Variants in GPC6 observed in about 807,000 individuals in gnomAD.
GPC6 encodes the protein glypican 6, also known as glypican-6.
GPC6 carries 14 observed loss-of-function variants against 55.2 expected under a neutral mutation model. The observed-to-expected ratio is 0.25, with a 90% CI of 0.17 to 0.40. The LOEUF (loss-of-function observed/expected upper bound fraction) is 0.40. GPC6 is among the 10% of genes least tolerant of loss of function. GPC6 has a pLI of 1.00. For synonymous variants in GPC6, 278 were observed against 259.6 expected (o/e 1.07, Z -0.68); for missense variants, 641 against 708.5 (o/e 0.90, Z 1.08).
intron 1 of GPC6, among the ~76,000 whole-genome samples, chr13:93,358,480 A>G (rs765148676): frequency 4.6e-5 from 7 of 152,174 alleles, no homozygotes; most frequent in Non-Finnish European, 1.0e-4. Context: ...GAGGACAATG[A>G]GACACAATGA....
chr13:93,904,016 T>C (rs547796044), intron 3 of GPC6, among the ~76,000 whole-genome samples: 1 of 152,192 alleles, frequency 6.6e-6, no homozygotes, highest in East Asian at 1.9e-4. Context: ...GTGATACCTG[T>C]CATAACAGTT....
chr13:93,867,193 A>G (rs945594915), intron 3 of GPC6, among the ~76,000 whole-genome samples: 4 of 151,722 alleles, frequency 2.6e-5, no homozygotes, highest in Admixed American at 1.3e-4. Flanking sequence ...TTATGGTGAA[A>G]TGTCTTTGGA....
At chr13:93,525,822 TA>T (rs1490214745) in intron 1 of GPC6, among the ~76,000 whole-genome samples, 6 of 151,928 alleles carry the variant, frequency 3.9e-5, no homozygotes, top group Admixed American at 3.3e-4. Context: ...AAAGAATGAG[TA>T]GAGAAATGTA....
Position 94,272,508 on chromosome 13 carries a change from G to A in GPC6, c.878-13841G>A, listed in dbSNP as rs566361774. On this transcript the variant is annotated intron_variant, in intron 4 of 8. Coordinates refer to ENST00000377047, the MANE Select transcript of GPC6 (RefSeq NM_005708.5). ...TTTTGAAACAGAGTCTCACTCTGTT[G>A]CCCAGGCTGGAGTGCAGTGGTGCCA... is the stretch of plus-strand genomic sequence containing the variant. Among the ~76,000 whole-genome samples the A allele has an allele frequency of 3.8e-3, 409 of 108,896 alleles. 6 individuals carry two copies. Among genetic ancestry groups the A allele is most frequent in the African/African-American group, 0.014 (387 of 27,672 alleles). 71.4% of individuals were successfully genotyped at this position (108,896 alleles called of 152,430 possible).
At chr13:93,218,934 G>T in the GPC6 span, among the ~76,000 whole-genome samples, 1 of 152,074 alleles carries the variant, frequency 6.6e-6, no homozygotes, top group Admixed American at 6.5e-5. Context: ...CATTATAAAA[G>T]AATCAGACAT....
intron 3 of GPC6, among the ~76,000 whole-genome samples, chr13:93,968,799 A>G (rs945707062): frequency 1.3e-5 from 2 of 152,202 alleles, no homozygotes; most frequent in Non-Finnish European, 2.9e-5. Flanking sequence ...TAGGAAATAT[A>G]TATTACATAC....
chr13:94,233,933 C>T (rs1251223453), intron 4 of GPC6, among the ~76,000 whole-genome samples: 7 of 152,054 alleles, frequency 4.6e-5, no homozygotes, highest in Non-Finnish European at 1.0e-4. Flanking sequence ...GAACATACCC[C>T]CCAGGGCTAA....
chr13:93,375,741 C>A (rs1156611521), intron 1 of GPC6, among the ~76,000 whole-genome samples: 1 of 152,148 alleles, frequency 6.6e-6, no homozygotes, highest in Non-Finnish European at 1.5e-5. Context: ...TCCCTTGGCC[C>A]TGATTTCATG....
intron 2 of GPC6, among the ~76,000 whole-genome samples, chr13:93,825,860 C>CTTTTTTTTTTTTTTTTTTTTTTTTTTTTT (rs1029574657): frequency 4.0e-5 from 5 of 124,184 alleles, no homozygotes; most frequent in East Asian, 2.4e-4. Flanking sequence ...TTATTATTTT[C>CTTTTTTTTTTTTTTTTTTTTTTTTTTTTT]TTTTTTTTTT....
At position 94,183,977 on chromosome 13, in the gene GPC6, G is replaced by A. The variant is rs188197274; in HGVS notation, c.878-102372G>A. On this transcript the variant is annotated intron_variant, in intron 4 of 8. Transcript: ENST00000377047. ...TTACAACTCTCTGAACATCGACAAG[G>A]CTGACAAAAACAAGCAATGGAGAAA... Among the ~76,000 whole-genome samples, 40 of 152,202 alleles carry A rather than the reference G, an allele frequency of 2.6e-4. 1 individual carries two copies. The highest frequency in any genetic ancestry group is 9.6e-4 in the African/African-American group (40 of 41,536).
chr13:94,088,300 T>C (rs950290216), intron 4 of GPC6, among the ~76,000 whole-genome samples: 18 of 152,264 alleles, frequency 1.2e-4, no homozygotes, highest in Admixed American at 1.1e-3. Flanking sequence ...GAAACTATAA[T>C]GCTTATAAGG....
At position 93,771,722 on chromosome 13, in the gene GPC6, T is replaced by TA. The variant is rs34710616; in HGVS notation, c.320-58430dup. Among the ~76,000 whole-genome samples the TA allele has an allele frequency of 2.5e-3, 267 of 108,040 alleles. 1 individual carries two copies. The highest frequency in any genetic ancestry group is 5.6e-3 in the Admixed American group (63 of 11,284). 70.9% of individuals were successfully genotyped at this position (108,040 alleles called of 152,430 possible). On this transcript the variant is annotated intron_variant, in intron 2 of 8. Coordinates refer to ENST00000377047, the MANE Select transcript of GPC6 (RefSeq NM_005708.5). ...ATGTACCCTAAAACTTAAAGTATAA[T>TA]AATAATAAAAAAAGTCAAGCATAGG...
chr13:93,687,843 G>A (rs1392634569), intron 2 of GPC6, among the ~76,000 whole-genome samples: 2 of 151,512 alleles, frequency 1.3e-5, no homozygotes, highest in East Asian at 1.9e-4. Flanking sequence ...CATCCCTTCC[G>A]TATATTAAGG....
chr13:93,729,405 C>T (rs191446548), intron 2 of GPC6, among the ~76,000 whole-genome samples: 1 of 152,218 alleles, frequency 6.6e-6, no homozygotes, highest in East Asian at 1.9e-4. Flanking sequence ...GTACCATGAG[C>T]TCAAATATCC....
intron 1 of GPC6, among the ~76,000 whole-genome samples, chr13:93,345,315 C>A (rs1880389554): frequency 6.6e-6 from 1 of 152,058 alleles, no homozygotes; most frequent in Admixed American, 6.6e-5. Context: ...TGAGATAACA[C>A]ATGTGAAGCT....
chr13:93,980,754 A>C (rs973012893), intron 3 of GPC6, among the ~76,000 whole-genome samples: 4 of 152,130 alleles, frequency 2.6e-5, no homozygotes, highest in African/African-American at 4.8e-5. Flanking sequence ...ATGGGGGTAC[A>C]AATGTCTGGC....
chr13:94,061,858 C>T (rs1232242604), intron 4 of GPC6, among the ~76,000 whole-genome samples: 1 of 151,442 alleles, frequency 6.6e-6, no homozygotes, highest in Non-Finnish European at 1.5e-5. Context: ...CTACAAGAAA[C>T]CTACCCAATT....
At chr13:93,319,659 A>C (rs1395793688) in intron 1 of GPC6, among the ~76,000 whole-genome samples, 1 of 152,024 alleles carries the variant, frequency 6.6e-6, no homozygotes, top group Non-Finnish European at 1.5e-5. Flanking sequence ...CAGAACAAAT[A>C]AAATAAATTC....
chr13:93,530,509 G>C (rs1192693407), intron 1 of GPC6, among the ~76,000 whole-genome samples: 1 of 152,178 alleles, frequency 6.6e-6, no homozygotes, highest in East Asian at 1.9e-4. Flanking sequence ...TTTTCTATTA[G>C]ATTTGGGACT....
Sources: allele counts gnomAD v4.1 joint callset (sites outside exome capture counted in the v4.1 genomes callset), GRCh38; gene constraint gnomAD v4.1.1; transcripts MANE v1.5; gene names NCBI Gene and HGNC (gene_info 2026-07-23, HGNC 2026-07-21).